Variants in DNAH3 observed in about 807,000 individuals in gnomAD.
DNAH3 encodes axonemal beta dynein heavy chain 3.
Under a neutral mutation model 432.5 loss-of-function variants are expected in DNAH3, and 332 were observed. That is an observed-to-expected ratio of 0.77 (90% CI 0.70 to 0.84). The LOEUF (loss-of-function observed/expected upper bound fraction) is 0.84, where lower values mean the gene tolerates loss of function less well. Among genes scored for constraint, DNAH3 ranks in the 40% least tolerant of loss-of-function variants. The pLI, the probability that DNAH3 is intolerant of heterozygous loss-of-function variation, is 0.00. For missense variants in DNAH3, 4,861 were observed against 5,114.0 expected, an observed-to-expected ratio of 0.95 and a Z score of 1.51; for synonymous variants, 1,956 against 1,900.2, an observed-to-expected ratio of 1.03 and a Z score of -0.76.
rs371733940 is a variant in DNAH3 at position 20,979,287 on chromosome 16, G to A, written c.8076+43C>T. 58 of 1,592,020 alleles carry A rather than the reference G, an allele frequency of 3.6e-5. No individual in the cohort carries two copies. In the African/African-American group the frequency reaches 5.1e-4, roughly 14 times the overall value. ...ACACATGCCTCGGCACATCCACCTC[G>A]TCCCGGGCCTCTTTGTCTCTGTTCT... On this transcript the variant is annotated intron_variant, in intron 50 of 61. Coordinates refer to ENST00000261383, the Ensembl canonical transcript of DNAH3.
chr16:20,989,644 ACTC>A (rs1304888038), intron 44 of DNAH3, among the ~76,000 whole-genome samples: 1 of 152,080 alleles, frequency 6.6e-6, no homozygotes, highest in Non-Finnish European at 1.5e-5. Context: ...GTACGCTCGC[ACTC>A]CTCAGCCTTT....
At chr16:21,081,488 G>A in intron 20 of DNAH3, 148 bp downstream of exon 20, 1 of 557,968 alleles carries the variant, frequency 1.8e-6, no homozygotes, top group East Asian at 2.8e-5. Flanking sequence ...ATACGAGTTG[G>A]TAGCTGCAGG....
At chr16:21,084,488 A>G (rs12597704) in intron 19 of DNAH3, among the ~76,000 whole-genome samples, 30,873 of 151,666 alleles carry the variant, frequency 0.2, 3,652 homozygotes, top group South Asian at 0.27. Flanking sequence ...ACGCCCGGCT[A>G]ATTTTTTTGT....
intron 12 of DNAH3, among the ~76,000 whole-genome samples, chr16:21,114,610 C>A (rs943435084): frequency 6.6e-6 from 1 of 152,188 alleles, no homozygotes. Flanking sequence ...TCTCAAAAGA[C>A]ATTTATGCAG....
Position 21,064,864 on chromosome 16 carries a change from T to G in DNAH3, c.3519-2181A>C, listed in dbSNP as rs55791947. The stretch of plus-strand genomic sequence containing the variant: ...AAATGCATAAATATTGAGGTAGGTG[T>G]GTGTGTGTGTGTGTGTGTGTGTGTG... On this transcript the variant is annotated intron_variant, in intron 24 of 61. Coordinates refer to ENST00000261383, the Ensembl canonical transcript of DNAH3. 8.5e-5 allele frequency among the ~76,000 whole-genome samples: 4 copies of G among 47,170 alleles called. No homozygotes were observed. The South Asian group carries it at 2.0e-3, about 23-fold the overall frequency. The allele number at this position is 47,170 out of a possible 152,430, so 30.9% of individuals were successfully genotyped here. A position where few individuals can be genotyped will look rare whatever the true frequency, so the allele number is the denominator to read the frequency against.
chr16:20,944,732 C>A (rs2083967637), intron 57 of DNAH3, 69 bp from the exon 58 acceptor site: 13 of 1,481,030 alleles, frequency 8.8e-6, no homozygotes, highest in Non-Finnish European at 1.2e-5. Flanking sequence ...CCAGGCTTAG[C>A]AGAACCCAAT....
At chr16:20,965,854 A>T (rs934710630) in intron 52 of DNAH3, among the ~76,000 whole-genome samples, 3 of 151,656 alleles carry the variant, frequency 2.0e-5, no homozygotes, top group Admixed American at 6.6e-5. Flanking sequence ...CTGGGACTAC[A>T]GGCATGTGCC....
chr16:21,060,521 TTTTTC>T (rs1270983959), intron 25 of DNAH3, among the ~76,000 whole-genome samples, 165 bp from the exon 26 acceptor site: 13 of 120,674 alleles, frequency 1.1e-4, no homozygotes, highest in African/African-American at 1.7e-4. Flanking sequence ...TTTCTTTTTT[TTTTTC>T]TTTTTTTTTT....
Position 21,009,826 on chromosome 16 carries a change from G to A in DNAH3, c.6023-6619C>T, listed in dbSNP as rs1436278262. ...GGGCACTAAGACTGCAGTGAGCCGTGATGAGCCGTGACTACGCCACTGCAC... is the reference window on the plus strand; with the variant it reads ...GGGCACTAAGACTGCAGTGAGCCGTAATGAGCCGTGACTACGCCACTGCAC... On this transcript the variant is annotated intron_variant, in intron 41 of 61. Transcript: ENST00000261383. Among the ~76,000 whole-genome samples, 13 of 149,104 alleles carry A rather than the reference G, an allele frequency of 8.7e-5. No homozygotes were observed. The South Asian group carries it at 2.0e-3, about 22-fold the overall frequency.
chr16:20,985,620 T>A (rs751112959), exon 48 of DNAH3: 7 of 1,614,226 alleles, frequency 4.3e-6, no homozygotes, highest in Non-Finnish European at 5.9e-6. Flanking sequence ...CATCGTAGAT[T>A]TTTTGGTCAC....
chr16:21,022,385 G>C (rs1176457407), intron 39 of DNAH3, among the ~76,000 whole-genome samples: 1 of 152,172 alleles, frequency 6.6e-6, no homozygotes, highest in Non-Finnish European at 1.5e-5. Flanking sequence ...TCAGCTACAG[G>C]ATGCATAAAA....
intron 42 of DNAH3, 38 bp downstream of exon 42, chr16:21,003,066 G>A: frequency 7.3e-7 from 1 of 1,371,334 alleles, no homozygotes; most frequent in Non-Finnish European, 1.0e-6. Flanking sequence ...GGATGATTCT[G>A]GAAACCAAAG....
At chr16:20,944,140 C>T (rs1274574082) in intron 58 of DNAH3, among the ~76,000 whole-genome samples, 1 of 148,078 alleles carries the variant, frequency 6.8e-6, no homozygotes, top group African/African-American at 2.5e-5. Flanking sequence ...GATGTGCAAT[C>T]TTTTAAATTA....
At chr16:21,060,681 C>A (rs1215014170) in intron 25 of DNAH3, among the ~76,000 whole-genome samples, 3 of 151,188 alleles carry the variant, frequency 2.0e-5, no homozygotes, top group Admixed American at 2.0e-4. Flanking sequence ...TGCACCACCA[C>A]CGCGGCTGAT....
chr16:21,041,826 C>G (rs1320394991), intron 32 of DNAH3, among the ~76,000 whole-genome samples: 3 of 152,164 alleles, frequency 2.0e-5, no homozygotes, highest in Non-Finnish European at 4.4e-5. Context: ...GTACATGCCA[C>G]CATGCCCGGC....
intron 35 of DNAH3, 52 bp downstream of exon 35, chr16:21,036,662 T>C (rs2089185208): frequency 1.0e-5 from 16 of 1,554,380 alleles, no homozygotes; most frequent in Non-Finnish European, 1.2e-5. Flanking sequence ...TACTGTTTGC[T>C]GACTTCAGCA....
chr16:21,120,166 C>T (rs2092305747), intron 11 of DNAH3, among the ~76,000 whole-genome samples: 1 of 140,644 alleles, frequency 7.1e-6, no homozygotes, highest in Non-Finnish European at 1.5e-5. Flanking sequence ...TGCAATGGTG[C>T]AATCATAGCT....
At chr16:20,981,935 T>C (rs947313418) in intron 49 of DNAH3, among the ~76,000 whole-genome samples, 6 of 149,040 alleles carry the variant, frequency 4.0e-5, no homozygotes, top group Admixed American at 2.0e-4. Flanking sequence ...CATATATACA[T>C]ACATAAAGTG....
chr16:20,964,575 G>A, exon 53 of DNAH3: 1 of 1,614,164 alleles, frequency 6.2e-7, no homozygotes, highest in Non-Finnish European at 8.5e-7. Context: ...AGAACTTGAT[G>A]ACAGCCAGTT....
Sources: gnomAD v4.1 joint callset for allele counts (sites outside exome capture counted in the v4.1 genomes callset) on GRCh38, gnomAD v4.1.1 for gene constraint, MANE v1.5 for transcripts, NCBI Gene and HGNC (gene_info 2026-07-23, HGNC 2026-07-21) for gene names.